Variants in CDC14A observed in about 807,000 individuals in gnomAD.
CDC14A encodes cell division cycle 14A.
CDC14A carries 53 observed loss-of-function variants against 74.4 expected under a neutral mutation model. That is an observed-to-expected ratio of 0.71 (90% CI 0.57 to 0.89). The LOEUF is 0.89. Ranked by LOEUF, CDC14A falls within the 40% of genes least tolerant of loss-of-function variation. The pLI, the probability that CDC14A is intolerant of heterozygous loss-of-function variation, is 0.00. For synonymous variants in CDC14A, 247 were observed against 258.4 expected (o/e 0.96, Z 0.43); for missense variants, 646 against 713.7 (o/e 0.91, Z 1.08).
rs550313254 is a variant in CDC14A at position 100,448,918 on chromosome 1, G to T, written c.519+5922G>T. ...TTTGCTCTTGTCACCTGGTACCATA[G>T]AATCCATGTATTCTTGTGCCTCATT... On this transcript the variant is annotated intron_variant, in intron 7 of 15. Transcript: ENST00000336454. 1.3e-3 allele frequency among the ~76,000 whole-genome samples: 193 copies of T among 152,214 alleles called. 3 individuals are homozygous for T. The highest frequency in any genetic ancestry group is 3.4e-3 in the Middle Eastern group (1 of 294).
chr1:100,509,642 A>G (rs1009414751), intron 15 of CDC14A, among the ~76,000 whole-genome samples: 47 of 152,386 alleles, frequency 3.1e-4, no homozygotes, highest in African/African-American at 1.1e-3. Context: ...ATGTGCATGC[A>G]TGTGCAAAGA....
chr1:100,448,771 G>T (rs1407551468), intron 7 of CDC14A, among the ~76,000 whole-genome samples: 2 of 152,176 alleles, frequency 1.3e-5, no homozygotes, highest in African/African-American at 4.8e-5. Context: ...TTCATTTGTT[G>T]AACAGATATT....
chr1:100,485,345 G>A (rs1296733552), intron 11 of CDC14A: 1 of 973,280 alleles, frequency 1.0e-6, no homozygotes, highest in African/African-American at 1.8e-5. Flanking sequence ...TAAGTATCTG[G>A]TTTATACTTT....
chr1:100,474,149 C>G (rs1030540600), intron 10 of CDC14A, among the ~76,000 whole-genome samples: 1 of 152,170 alleles, frequency 6.6e-6, no homozygotes. Context: ...TAGATTGCAT[C>G]GATTGTTTTT....
At position 100,484,289 on chromosome 1, in the gene CDC14A, C is replaced by G; in HGVS notation, c.978-3C>G. 6.7e-7 allele frequency: 1 copy of G among 1,501,826 alleles called. No homozygotes were observed. Among genetic ancestry groups the G allele is most frequent in the Non-Finnish European group, 8.9e-7 (1 of 1,121,736 alleles). 93.0% of individuals were successfully genotyped at this position (1,501,826 alleles called of 1,614,324 possible). Reference sequence around the variant, plus strand: ...GTTTTGTTTTGTTTTGTTTTTTATACAGAAAACAAGCATCGTTGTGGGTCC... The same window carrying G: ...GTTTTGTTTTGTTTTGTTTTTTATAGAGAAAACAAGCATCGTTGTGGGTCC... On this transcript the variant is annotated splice_polypyrimidine_tract_variant and splice_region_variant and intron_variant, in intron 10 of 15. Transcript: ENST00000336454.
chr1:100,382,200 CTT>C (rs1656216625), intron 3 of CDC14A, among the ~76,000 whole-genome samples: 1 of 148,852 alleles, frequency 6.7e-6, no homozygotes, highest in Non-Finnish European at 1.5e-5. Flanking sequence ...AACTGAATAC[CTT>C]CCTCTATTCT....
chr1:100,488,717 T>C (rs1670315833), intron 11 of CDC14A, among the ~76,000 whole-genome samples: 1 of 152,242 alleles, frequency 6.6e-6, no homozygotes, highest in Non-Finnish European at 1.5e-5. Flanking sequence ...GACAAGAATG[T>C]AGTGTTTTAA....
intron 2 of CDC14A, among the ~76,000 whole-genome samples, chr1:100,357,354 T>C (rs1381778501): frequency 6.6e-6 from 1 of 151,778 alleles, no homozygotes; most frequent in African/African-American, 2.4e-5. Flanking sequence ...GGACAAACAC[T>C]GAAGGGGAAA....
chr1:100,439,307 T>C (rs1025193082), intron 5 of CDC14A, among the ~76,000 whole-genome samples: 1 of 152,164 alleles, frequency 6.6e-6, no homozygotes, highest in Non-Finnish European at 1.5e-5. Flanking sequence ...AAGGATGGCA[T>C]TTAATCCATG....
rs758942696 is a variant in CDC14A at position 100,377,594 on chromosome 1, T to C, written c.189T>C (p.Tyr63=). 8.7e-6 allele frequency: 14 copies of C among 1,613,274 alleles called. No individual in the cohort carries two copies. In the East Asian group the frequency reaches 2.5e-4, roughly 28 times the overall value. The part of the protein sequence containing the change: ...GPLNLAMVYR[Y]CCKLNKKLKS... ...TGAACTTGGCAATGGTGTACAGATA[T>C]TGCTGCAAACTAAACAAGAAACTAA... Residue 63 remains tyrosine (Y), a synonymous_variant, in exon 3 of 16, where the codon TAT becomes TAC. Coordinates refer to ENST00000336454, the MANE Select transcript of CDC14A (RefSeq NM_003672.4).
At chr1:100,384,554 C>G (rs1656584738) in intron 3 of CDC14A, among the ~76,000 whole-genome samples, 1 of 152,122 alleles carries the variant, frequency 6.6e-6, no homozygotes, top group South Asian at 2.1e-4. Flanking sequence ...TTTCTTCTCC[C>G]CTTGTCACTG....
At chr1:100,454,683 C>G (rs1666501912) in intron 7 of CDC14A, among the ~76,000 whole-genome samples, 3 of 152,128 alleles carry the variant, frequency 2.0e-5, no homozygotes. Context: ...GAGTTAAAAA[C>G]CTAATTTAAA....
intron 4 of CDC14A, among the ~76,000 whole-genome samples, chr1:100,408,609 A>T (rs1368637331): frequency 6.6e-6 from 1 of 152,064 alleles, no homozygotes; most frequent in Non-Finnish European, 1.5e-5. Flanking sequence ...AATAAAAACC[A>T]CTCTGACTGG....
Position 100,368,165 on chromosome 1 carries a change from T to A in CDC14A, c.141-9381T>A, listed in dbSNP as rs569589817. Among the ~76,000 whole-genome samples, 17 of 152,366 alleles carry A rather than the reference T, an allele frequency of 1.1e-4. No homozygotes were observed. In the South Asian group the frequency reaches 3.5e-3, roughly 32 times the overall value. On this transcript the variant is annotated intron_variant, in intron 2 of 15. Transcript: ENST00000336454. ...AATTTCTTTTATCTTTTATAGTTAT[T>A]TTGATATGTCTTTTCATCTTGATCA... is the stretch of plus-strand genomic sequence containing the variant.
intron 4 of CDC14A, among the ~76,000 whole-genome samples, chr1:100,401,277 C>T (rs1434288376): frequency 6.6e-6 from 1 of 152,132 alleles, no homozygotes; most frequent in Non-Finnish European, 1.5e-5. Context: ...TCCACAATAG[C>T]CCCAGTATCT....
At chr1:100,369,086 T>C (rs1487655276) in intron 2 of CDC14A, among the ~76,000 whole-genome samples, 1 of 151,720 alleles carries the variant, frequency 6.6e-6, no homozygotes, top group Non-Finnish European at 1.5e-5. Flanking sequence ...GACATTTTTT[T>C]TTTTTTTTTG....
intron 8 of CDC14A, among the ~76,000 whole-genome samples, chr1:100,459,086 A>AACACACACACAC (rs751247467): frequency 0.02 from 2,523 of 127,980 alleles, 49 homozygotes; most frequent in African/African-American, 0.049. Context: ...CTTCTATTTA[A>AACACACACACAC]ACACACACAC....
chr1:100,358,169 G>A (rs1570943938), intron 2 of CDC14A, among the ~76,000 whole-genome samples: 2 of 152,222 alleles, frequency 1.3e-5, no homozygotes, highest in East Asian at 1.9e-4. Context: ...TACAAAAATA[G>A]CTCCACAAAA....
At chr1:100,512,092 T>C (rs1649826992) in intron 15 of CDC14A, among the ~76,000 whole-genome samples, 1 of 152,088 alleles carries the variant, frequency 6.6e-6, no homozygotes, top group South Asian at 2.1e-4. Context: ...CTTGATTTTG[T>C]ATTTCTTGAC....
Sources: gnomAD v4.1 joint callset for allele counts (sites outside exome capture counted in the v4.1 genomes callset) on GRCh38, gnomAD v4.1.1 for gene constraint, MANE v1.5 for transcripts, NCBI Gene and HGNC (gene_info 2026-07-23, HGNC 2026-07-21) for gene names.